Variants in PI4KB observed in about 807,000 individuals in gnomAD.
PI4KB encodes phosphatidylinositol 4-kinase beta.
A neutral mutation model predicts 81.4 loss-of-function variants in PI4KB; 23 were observed. That is an observed-to-expected ratio of 0.28 (90% CI 0.20 to 0.40). The LOEUF (loss-of-function observed/expected upper bound fraction) is 0.40, where lower values mean the gene tolerates loss of function less well. PI4KB is among the 10% of genes least tolerant of loss of function. The pLI is 1.00. For missense variants in PI4KB, 651 were observed against 1,036.6 expected (o/e 0.63, Z 5.11); for synonymous variants, 381 against 406.8 (o/e 0.94, Z 0.76).
intron 1 of PI4KB, among the ~76,000 whole-genome samples, chr1:151,326,959 A>G (rs1169351609): frequency 6.6e-6 from 1 of 152,128 alleles, no homozygotes; most frequent in Non-Finnish European, 1.5e-5. Context: ...GCATTATGGG[A>G]GTCGTCTGAT....
chr1:151,303,305 G>C, intron 6 of PI4KB: 1 of 447,166 alleles, frequency 2.2e-6, no homozygotes, highest in Non-Finnish European at 4.2e-6. Context: ...GGCCCCTCTG[G>C]TGCTTTCATC....
chr1:151,319,997 T>C (rs1402025876), intron 1 of PI4KB, among the ~76,000 whole-genome samples: 2 of 152,222 alleles, frequency 1.3e-5, no homozygotes, highest in East Asian at 3.8e-4. Context: ...CCACCACCCT[T>C]CCAGTGTCTG....
rs1463288074 is a variant in PI4KB at position 151,306,235 on chromosome 1, AAT to A, written c.1309_1310del (p.Ile437TyrfsTer3). 1 of 1,614,132 alleles carries A rather than the reference AAT, an allele frequency of 6.2e-7. No individual in the cohort carries two copies. Among genetic ancestry groups the A allele is most frequent in the East Asian group, 2.2e-5 (1 of 44,882 alleles). On this transcript the variant is annotated frameshift_variant, in exon 5 of 12. Transcript: ENST00000368873. LOFTEE classifies it high-confidence loss of function. The part of the protein sequence containing the change: ...RSVENLPECG[I>X]THEQRAGSFS... ...AGCTGCCAGCTCGCTGCTCATGGGT[AAT>A]ACCACATTCGGGCAAGTTTTCTACG...
chr1:151,293,634 G>A, intron 11 of PI4KB: 1 of 315,058 alleles, frequency 3.2e-6, no homozygotes, highest in South Asian at 2.7e-5. Context: ...ATACTTCTCA[G>A]AGCTGAAGGG....
intron 11 of PI4KB, chr1:151,293,611 G>T: frequency 3.1e-6 from 1 of 320,118 alleles, no homozygotes; most frequent in Non-Finnish European, 6.2e-6. Flanking sequence ...AGGAGATAAT[G>T]ATGAGAGGGG....
At chr1:151,326,261 T>C (rs555186000) in intron 1 of PI4KB, 1 of 1,429,188 alleles carries the variant, frequency 7.0e-7, no homozygotes, top group African/African-American at 1.4e-5. Context: ...AGGGACTTCT[T>C]CAAAACTTGC....
intron 5 of PI4KB, among the ~76,000 whole-genome samples, chr1:151,303,935 A>C (rs1037673454): frequency 1.3e-5 from 2 of 152,180 alleles, no homozygotes; most frequent in African/African-American, 2.4e-5. Context: ...CAAGTTCTCC[A>C]GAAGACTTCC....
intron 8 of PI4KB, 152 bp downstream of exon 8, chr1:151,301,692 C>G: frequency 1.6e-6 from 1 of 639,268 alleles, no homozygotes; most frequent in Non-Finnish European, 2.6e-6. Context: ...CCACCACACC[C>G]GGCCATAATT....
Position 151,292,989 on chromosome 1 carries a change from G to T in PI4KB, c.2314C>A (p.Leu772Ile), listed in dbSNP as rs1694425982. The change falls in exon 12 of 12, where the codon CTC becomes ATC. Residue 772 changes from leucine (L) to isoleucine (I), a missense_variant. Transcript: ENST00000368873. ...CFHGSSTIRN[L>I]KERFHMSMTE... The stretch of plus-strand genomic sequence containing the variant: ...ATGCTCATGTGGAACCTCTCTTTGA[G>T]GTTTCGAATGGTGCTGGAGCCATGG... 1 of 1,614,062 alleles carries T rather than the reference G, an allele frequency of 6.2e-7. No homozygotes were observed. The highest frequency in any genetic ancestry group is 8.5e-7 in the Non-Finnish European group (1 of 1,180,030).
intron 1 of PI4KB, among the ~76,000 whole-genome samples, chr1:151,321,458 C>T (rs1171142129): frequency 6.6e-6 from 1 of 151,976 alleles, no homozygotes; most frequent in Non-Finnish European, 1.5e-5. Flanking sequence ...AATGTTGGCT[C>T]ACCGCAACCT....
intron 1 of PI4KB, among the ~76,000 whole-genome samples, chr1:151,317,472 A>G (rs1292106202): frequency 6.6e-6 from 1 of 151,920 alleles, no homozygotes; most frequent in Non-Finnish European, 1.5e-5. Context: ...ATGTGCCTCC[A>G]TGCCTGGTTA....
chr1:151,323,557 T>C (rs1428294476), intron 1 of PI4KB, among the ~76,000 whole-genome samples: 1 of 151,672 alleles, frequency 6.6e-6, no homozygotes. Flanking sequence ...ACCCCATCTC[T>C]ACCAAAAAAT....
In PI4KB at chr1:151,325,006, T is replaced by C. The variant is rs1310310710; in HGVS notation, c.-29+2265A>G. 14 of 520,488 alleles carry C rather than the reference T, an allele frequency of 2.7e-5. No homozygotes were observed. The Admixed American group carries it at 3.2e-4, about 12-fold the overall frequency. The allele number at this position is 520,488 out of a possible 1,614,324, so 32.2% of individuals were successfully genotyped here. A position where few individuals can be genotyped will look rare whatever the true frequency, so the allele number is the denominator to read the frequency against. ...AAAGCTGCTTTTTTTTTTTTTTTTTTCCTGAGACAGAGTTTCACTCAGTCA... is the reference window on the plus strand; with the variant it reads ...AAAGCTGCTTTTTTTTTTTTTTTTTCCCTGAGACAGAGTTTCACTCAGTCA... On this transcript the variant is annotated intron_variant, in intron 1 of 11. Coordinates refer to ENST00000368873, the MANE Select transcript of PI4KB (RefSeq NM_001369623.2).
intron 1 of PI4KB, among the ~76,000 whole-genome samples, chr1:151,321,454 G>A (rs887510352): frequency 6.6e-6 from 1 of 151,836 alleles, no homozygotes; most frequent in Non-Finnish European, 1.5e-5. Flanking sequence ...GCGCAATGTT[G>A]GCTCACCGCA....
At chr1:151,302,102 T>C (rs1306697138) in intron 7 of PI4KB, 92 bp downstream of exon 7, 6 of 1,558,270 alleles carry the variant, frequency 3.9e-6, no homozygotes, top group East Asian at 2.3e-5. Flanking sequence ...ACAGATTTTT[T>C]TGGAGGCTGA....
chr1:151,301,803 A>T, intron 8 of PI4KB, 41 bp downstream of exon 8: 1 of 1,603,054 alleles, frequency 6.2e-7, no homozygotes, highest in Non-Finnish European at 8.5e-7. Flanking sequence ...GAGTGCTGGG[A>T]TTACAGCCAC....
In PI4KB at chr1:151,303,419, G is replaced by C. The variant is rs962521743; in HGVS notation, c.1520+122C>G. On this transcript the variant is annotated intron_variant, in intron 6 of 11. Coordinates refer to ENST00000368873, the MANE Select transcript of PI4KB (RefSeq NM_001369623.2). ...AGTTTGGTGGCCCCAAACAAGGACA[G>C]AATGAAAGAGGGAAAGACACAGGCC... 2.8e-5 allele frequency: 21 copies of C among 743,856 alleles called. No individual in the cohort carries two copies. In the Admixed American group the frequency reaches 3.8e-4, roughly 13 times the overall value. 46.1% of individuals were successfully genotyped at this position (743,856 alleles called of 1,614,324 possible).
chr1:151,316,294 T>C lies in PI4KB; in HGVS notation c.188A>G (p.His63Arg), dbSNP rs1571206995. 6.2e-7 allele frequency: 1 copy of C among 1,614,176 alleles called. No homozygotes were observed. ...QEVLEKVKLL[H>R]GGVAVSSRGT... Reference sequence around the variant, plus strand: ...TCTGCTAGAGACTGCCACGCCTCCATGCAAAAGCTTGACTTTCTCCAACAC... The same window carrying C: ...TCTGCTAGAGACTGCCACGCCTCCACGCAAAAGCTTGACTTTCTCCAACAC... Residue 63 changes from histidine to arginine, a missense_variant, in exon 2 of 12, where the codon CAT becomes CGT. By Grantham distance (29) the His-to-Arg change is conservative (BLOSUM62 0). Coordinates refer to ENST00000368873, the MANE Select transcript of PI4KB (RefSeq NM_001369623.2).
At chr1:151,306,973 G>A (rs587597552) in intron 4 of PI4KB, among the ~76,000 whole-genome samples, 1 of 152,168 alleles carries the variant, frequency 6.6e-6, no homozygotes, top group Admixed American at 6.5e-5. Context: ...TACTCAGGAG[G>A]CTAAGGCAGG....
Sources: allele counts gnomAD v4.1 joint callset (sites outside exome capture counted in the v4.1 genomes callset), GRCh38; gene constraint gnomAD v4.1.1; transcripts MANE v1.5; gene names NCBI Gene and HGNC (gene_info 2026-07-23, HGNC 2026-07-21).